PTPN5: variants seen among roughly 807,000 people sequenced by gnomAD.
The protein encoded by PTPN5 is protein tyrosine phosphatase non-receptor type 5, also known as tyrosine-protein phosphatase non-receptor type 5.
A neutral mutation model predicts 73.9 loss-of-function variants in PTPN5; 29 were observed. The ratio of observed to expected loss-of-function variants is 0.39; its 90% CI spans 0.29 to 0.54. The LOEUF (loss-of-function observed/expected upper bound fraction) is 0.54. PTPN5 is among the 20% of genes least tolerant of loss of function. PTPN5 has a pLI of 0.65. For synonymous variants in PTPN5, 267 were observed against 304.7 expected, an observed-to-expected ratio of 0.88 and a Z score of 1.29; for missense variants, 652 against 751.4, an observed-to-expected ratio of 0.87 and a Z score of 1.55.
At chr11:18,777,991 A>G (rs7109533) in intron 1 of PTPN5, among the ~76,000 whole-genome samples, 29,872 of 92,108 alleles carry the variant, frequency 0.32, 3,344 homozygotes, top group Non-Finnish European at 0.37. Context: ...AGAAAGAAAG[A>G]AAGGAAGGAA....
intron 1 of PTPN5, among the ~76,000 whole-genome samples, chr11:18,772,430 T>C (rs149711394): frequency 6.6e-6 from 1 of 152,308 alleles, no homozygotes; most frequent in African/African-American, 2.4e-5. Flanking sequence ...CCAAGCTGCC[T>C]ACCCTCCTTG....
In PTPN5 at chr11:18,733,652, CAAGT is replaced by C. The variant is rs753358282; in HGVS notation, c.1001-21_1001-18del. The C allele has an allele frequency of 2.5e-6, 4 of 1,613,678 alleles. No homozygotes were observed. The highest frequency in any genetic ancestry group is 1.3e-5 in the African/African-American group (1 of 74,932). On this transcript the variant is annotated intron_variant, in intron 9 of 14. Transcript: ENST00000358540. This position sits in a 1 kb window ranked among gnomAD's most constrained non-coding sequence, Gnocchi z 4.3. ...TGTGAGGGTCTGGGGTGGTGGGAGA[CAAGT>C]AAGGCTGGAAACTGGGCCCTCTGGT... is the stretch of plus-strand genomic sequence containing the variant.
At position 18,732,586 on chromosome 11, in the gene PTPN5, C is replaced by T; in HGVS notation, c.1329+6G>A. ...CAGCTTCACCCAGCCCTGCCCCAGG[C>T]CTCACCTTGAGGGAGATGAGTCGCA... On this transcript the variant is annotated splice_donor_region_variant and intron_variant, in intron 12 of 14. Transcript: ENST00000358540. The T allele has an allele frequency of 6.2e-7, 1 of 1,609,858 alleles. No homozygotes were observed. The highest frequency in any genetic ancestry group is 1.1e-5 in the South Asian group (1 of 90,996).
chr11:18,771,850 T>C (rs1850915643), intron 2 of PTPN5, 89 bp downstream of exon 2: 2 of 1,083,520 alleles, frequency 1.8e-6, no homozygotes, highest in Non-Finnish European at 2.8e-6. Flanking sequence ...CTCATGAGAA[T>C]GGGTCACGTG....
At chr11:18,743,665 C>T in intron 4 of PTPN5, 1 of 592,220 alleles carries the variant, frequency 1.7e-6, no homozygotes, top group South Asian at 2.1e-5. Context: ...CAGAGAGGAC[C>T]TCACAAATAT....
rs917490321 is a variant in PTPN5 at position 18,773,141 on chromosome 11, T to C, written c.-113-1070A>G. Among the ~76,000 whole-genome samples the C allele has an allele frequency of 1.5e-4, 23 of 152,108 alleles. 1 individual carries two copies. Among genetic ancestry groups the C allele is most frequent in the Non-Finnish European group, 5.9e-5 (4 of 68,012 alleles). ...TGTGGAAAGGGGGTGAACCGCTCAC[T>C]TGGAATTTTTTCCTTTTCCCTCCCC... On this transcript the variant is annotated intron_variant, in intron 1 of 14. Transcript: ENST00000358540.
intron 3 of PTPN5, among the ~76,000 whole-genome samples, chr11:18,748,252 C>T (rs922163811): frequency 1.3e-5 from 2 of 152,162 alleles, no homozygotes; most frequent in Non-Finnish European, 2.9e-5. Context: ...GCAGAACAGC[C>T]ACTCCAGAGG....
chr11:18,732,514 G>A, intron 12 of PTPN5, 78 bp downstream of exon 12: 1 of 1,025,472 alleles, frequency 9.8e-7, no homozygotes, highest in Admixed American at 1.9e-5. Context: ...TGGACTTGGG[G>A]GACCTGTTCT....
At chr11:18,739,437 A>T (rs1489225044) in intron 8 of PTPN5, among the ~76,000 whole-genome samples, 1 of 152,198 alleles carries the variant, frequency 6.6e-6, no homozygotes, top group Non-Finnish European at 1.5e-5. Context: ...CACGGACGAG[A>T]CTGGCCCAGT....
rs140678625 is a variant in PTPN5, at chr11:18,745,523, T to C, written c.98-1324A>G. Among the ~76,000 whole-genome samples, 21 of 152,184 alleles carry C rather than the reference T, an allele frequency of 1.4e-4. No individual in the cohort carries two copies. In the East Asian group the frequency reaches 4.1e-3, roughly 29 times the overall value. ...CTGTTCTCTCTGCCTGGAACATCCCTCCAACACTCTGTTCCCCTCCCCTGC... is the reference window on the plus strand; with the variant it reads ...CTGTTCTCTCTGCCTGGAACATCCCCCCAACACTCTGTTCCCCTCCCCTGC... On this transcript the variant is annotated intron_variant, in intron 3 of 14. Coordinates refer to ENST00000358540, the MANE Select transcript of PTPN5 (RefSeq NM_006906.2).
intron 3 of PTPN5, among the ~76,000 whole-genome samples, chr11:18,756,342 G>C (rs1312276151): frequency 1.4e-5 from 2 of 144,970 alleles, no homozygotes. Flanking sequence ...CGTCACCCAA[G>C]CTGGAGTGCA....
At chr11:18,754,830 G>A (rs557346173) in intron 3 of PTPN5, among the ~76,000 whole-genome samples, 2 of 152,114 alleles carry the variant, frequency 1.3e-5, no homozygotes, top group African/African-American at 2.4e-5. Context: ...CGTTTTGTAC[G>A]TAGGCATATC....
chr11:18,746,169 ATATATAT>A (rs1849618339), intron 3 of PTPN5, among the ~76,000 whole-genome samples: 9 of 98,256 alleles, frequency 9.2e-5, no homozygotes, highest in Non-Finnish European at 1.9e-4. Flanking sequence ...ATAAATATAT[ATATATAT>A]ATATATATAT....
Position 18,728,654 on chromosome 11 carries a change from G to A in PTPN5, c.*280C>T, listed in dbSNP as rs1355387546. 12 of 382,706 alleles carry A rather than the reference G, an allele frequency of 3.1e-5. No homozygotes were observed. Among genetic ancestry groups the A allele is most frequent in the East Asian group, 1.6e-4 (3 of 19,302 alleles). The allele number at this position is 382,706 out of a possible 1,614,324, so 23.7% of individuals were successfully genotyped here. A position where few individuals can be genotyped will look rare whatever the true frequency, so the allele number is the denominator to read the frequency against. ...TGGATCAGGTATTGATGGAACCATCGTTAAAAACTGGAGCCCGGGGTCTGC... is the reference window on the plus strand; with the variant it reads ...TGGATCAGGTATTGATGGAACCATCATTAAAAACTGGAGCCCGGGGTCTGC... On this transcript the variant is annotated 3_prime_UTR_variant, in exon 15 of 15. Transcript: ENST00000358540. The surrounding 1 kb of genome is among the most constrained non-coding windows in gnomAD (Gnocchi z 4.1).
At chr11:18,746,937 G>A (rs1176995668) in intron 3 of PTPN5, among the ~76,000 whole-genome samples, 1 of 152,142 alleles carries the variant, frequency 6.6e-6, no homozygotes. Flanking sequence ...CGGTGGGAAG[G>A]GACAGACCCA....
intron 12 of PTPN5, among the ~76,000 whole-genome samples, chr11:18,731,822 G>A (rs1223476973): frequency 6.6e-6 from 1 of 152,186 alleles, no homozygotes; most frequent in Non-Finnish European, 1.5e-5. Context: ...CAGCATCAAT[G>A]AACTTCCTTG....
intron 3 of PTPN5, among the ~76,000 whole-genome samples, chr11:18,745,677 G>T (rs35886712): frequency 0.14 from 20,877 of 151,754 alleles, 1,720 homozygotes; most frequent in South Asian, 0.27. Flanking sequence ...ATCATCATCA[G>T]CAGCAGCAGC....
At chr11:18,779,072 G>A (rs1266285584) in intron 1 of PTPN5, among the ~76,000 whole-genome samples, 1 of 152,116 alleles carries the variant, frequency 6.6e-6, no homozygotes, top group Non-Finnish European at 1.5e-5. Flanking sequence ...CTTACAGAGG[G>A]GAAAGCTGAA....
chr11:18,743,590 CG>C, intron 4 of PTPN5, 161 bp from the exon 5 acceptor site: 1 of 648,578 alleles, frequency 1.5e-6, no homozygotes, highest in Non-Finnish European at 2.7e-6. Context: ...GCTGCGTGCC[CG>C]GGGAGGCCTC....
Sources: allele counts gnomAD v4.1 joint callset (sites outside exome capture counted in the v4.1 genomes callset), GRCh38; gene constraint gnomAD v4.1.1; non-coding constraint Gnocchi (gnomAD v3.1); transcripts MANE v1.5; gene names NCBI Gene and HGNC (gene_info 2026-07-23, HGNC 2026-07-21).